Variants in IGSF9 observed in about 807,000 individuals in gnomAD.
The protein encoded by IGSF9 is immunoglobulin superfamily member 9.
In IGSF9, 87 loss-of-function variants were observed where a neutral mutation model predicts 121.7. The ratio of observed to expected loss-of-function variants is 0.71; its 90% CI spans 0.60 to 0.85. The LOEUF is 0.85. Among genes scored for constraint, IGSF9 ranks in the 40% least tolerant of loss-of-function variants. The probability of loss-of-function intolerance (pLI) is 0.00; values close to 1 mark genes in which losing one functional copy is unlikely to be tolerated. For missense variants in IGSF9, 1,462 were observed against 1,565.3 expected (o/e 0.93, Z 1.11); for synonymous variants, 640 against 648.4 (o/e 0.99, Z 0.20).
Position 159,931,905 on chromosome 1 carries a change from C to A in IGSF9, c.1269G>T (p.Arg423=). 6.3e-7 allele frequency: 1 copy of A among 1,596,602 alleles called. No homozygotes were observed. Among genetic ancestry groups the A allele is most frequent in the African/African-American group, 1.4e-5 (1 of 73,736 alleles). Residue 423 remains arginine, a synonymous_variant, in exon 11 of 21, where the codon CGG becomes CGT. Transcript: ENST00000368094. This position sits in a 1 kb window ranked among gnomAD's most constrained non-coding sequence, Gnocchi z 4.8. ...CTTCTTGGAAATATTCTTCCTTGGG[C>A]CGCTCTATAAAAGCTGGGGGAGCCT... is the stretch of plus-strand genomic sequence containing the variant. ...LLKAPPAFIE[R]PKEEYFQEVG...
At position 159,928,286 on chromosome 1, in the gene IGSF9, C is replaced by T; in HGVS notation, c.3102G>A (p.Leu1034=). Residue 1034 remains leucine (L), a synonymous_variant, in exon 19 of 21, where the codon CTG becomes CTA. Coordinates refer to ENST00000368094, the MANE Select transcript of IGSF9 (RefSeq NM_001135050.2). ...CAGAGGGGGCTGTGGAGGGGGGCCG[C>T]AGGAACGAAGCGCTGCCTCGCCCAC... The part of the protein sequence containing the change: ...QSSGRGSASF[L]RPPSTAPSAG... The T allele has an allele frequency of 6.2e-7, 1 of 1,612,526 alleles. No homozygotes were observed.
Position 159,928,406 on chromosome 1 carries a change from G to C in IGSF9, c.2982C>G (p.Pro994=), listed in dbSNP as rs753918432. 6.9e-6 allele frequency: 11 copies of C among 1,603,284 alleles called. No individual in the cohort carries two copies. Among genetic ancestry groups the C allele is most frequent in the Admixed American group, 5.1e-5 (3 of 59,196 alleles). Residue 994 remains proline, a synonymous_variant, in exon 19 of 21, where the codon CCC becomes CCG. Transcript: ENST00000368094. ...TCCAGTCAGCCAGGGCTGTGTAAGG[G>C]GGCTCTGCAGTGGCCCCAGCCCCTA... ...AVVGAGATAE[P]PYTALADWTL... is the part of the protein sequence containing the mutation.
At position 159,932,416 on chromosome 1, in the gene IGSF9, GTC is replaced by G; in HGVS notation, c.1245+94_1245+95del. 16 of 1,081,854 alleles carry G rather than the reference GTC, an allele frequency of 1.5e-5. No individual in the cohort carries two copies. The highest frequency in any genetic ancestry group is 2.7e-5 in the East Asian group (1 of 37,100). The allele number at this position is 1,081,854 out of a possible 1,614,324, so 67.0% of individuals were successfully genotyped here. A position where few individuals can be genotyped will look rare whatever the true frequency, so the allele number is the denominator to read the frequency against. On this transcript the variant is annotated intron_variant, in intron 10 of 20. Coordinates refer to ENST00000368094, the MANE Select transcript of IGSF9 (RefSeq NM_001135050.2). The surrounding 1 kb of genome is among the most constrained non-coding windows in gnomAD (Gnocchi z 4.1). ...CAAACTTGGAAACCCCTCCCCATGT[GTC>G]TGCCCCACCCCACCCCCATCAGCCT... is the stretch of plus-strand genomic sequence containing the variant.
chr1:159,943,502 G>C lies in IGSF9; in HGVS notation c.-48C>G. 6.7e-7 allele frequency: 1 copy of C among 1,489,014 alleles called. No individual in the cohort carries two copies. The highest frequency in any genetic ancestry group is 9.0e-7 in the Non-Finnish European group (1 of 1,115,216). The allele number at this position is 1,489,014 out of a possible 1,614,324, so 92.2% of individuals were successfully genotyped here. A position where few individuals can be genotyped will look rare whatever the true frequency, so the allele number is the denominator to read the frequency against. On this transcript the variant is annotated 5_prime_UTR_variant, in exon 2 of 21. It adds an upstream start codon to the 5' untranslated region. Coordinates refer to ENST00000368094, the MANE Select transcript of IGSF9 (RefSeq NM_001135050.2). ...AGCCCCTCCTATCCACAGGAGCCCAGATGGAGGGGCCAAGGGATGTCCTTC... is the reference window on the plus strand; with the variant it reads ...AGCCCCTCCTATCCACAGGAGCCCACATGGAGGGGCCAAGGGATGTCCTTC...
chr1:159,932,342 A>C lies in IGSF9; in HGVS notation c.1245+170T>G, dbSNP rs1424148315. On this transcript the variant is annotated intron_variant, in intron 10 of 20. Transcript: ENST00000368094. The surrounding 1 kb of genome is among the most constrained non-coding windows in gnomAD (Gnocchi z 4.1). ...ACCTCCCGAGCACCACCTCTGCAGA[A>C]ACCTCTGGGATGGCATCAGGCAGCT... 3.0e-6 allele frequency: 2 copies of C among 670,646 alleles called. No individual in the cohort carries two copies. The highest frequency in any genetic ancestry group is 3.6e-5 in the African/African-American group (2 of 55,528). The allele number at this position is 670,646 out of a possible 1,614,324, so 41.5% of individuals were successfully genotyped here.
chr1:159,936,014 G>A (rs1203731488), intron 6 of IGSF9, among the ~76,000 whole-genome samples: 1 of 152,200 alleles, frequency 6.6e-6, no homozygotes, highest in Non-Finnish European at 1.5e-5. Context: ...TCTTGGCCAG[G>A]AATTACCATG....
rs1198992484 is a variant in IGSF9, at chr1:159,927,479, TA to T, written c.3405del (p.Thr1136LeufsTer48). 4 of 1,613,992 alleles carry T rather than the reference TA, an allele frequency of 2.5e-6. No individual in the cohort carries two copies. The highest frequency in any genetic ancestry group is 3.4e-6 in the Non-Finnish European group (4 of 1,180,036). ...EEGCLLNTAHVTGPEARCAAL... is the reference protein window; with the variant it reads ...EEGCLLNTAHXTGPEARCAAL... ...GCAGCACAGCGGGCCTCAGGGCCAGTAACATGGGCAGTGTTCAGGAGGCAGC... is the reference window on the plus strand; with the variant it reads ...GCAGCACAGCGGGCCTCAGGGCCAGTACATGGGCAGTGTTCAGGAGGCAGC... On this transcript the variant is annotated frameshift_variant, in exon 21 of 21. Coordinates refer to ENST00000368094, the MANE Select transcript of IGSF9 (RefSeq NM_001135050.2). LOFTEE classifies it high-confidence loss of function.
chr1:159,927,857 C>T lies in IGSF9; in HGVS notation c.3261G>A (p.Glu1087=), dbSNP rs987533301. 6 of 1,612,174 alleles carry T rather than the reference C, an allele frequency of 3.7e-6. No homozygotes were observed. The highest frequency in any genetic ancestry group is 4.2e-6 in the Non-Finnish European group (5 of 1,179,588). The change falls in exon 20 of 21, where the codon GAG becomes GAA. Residue 1087 remains glutamate, a synonymous_variant. Transcript: ENST00000368094. The stretch of plus-strand genomic sequence containing the variant: ...TGTCCCCAGGGAATTCTGAGTCCCA[C>T]TCATAGTTCTCGTCCACAGATGTGT... ...RRNTSVDENY[E]WDSEFPGDME... is the part of the protein sequence containing the mutation.
chr1:159,934,509 G>A lies in IGSF9; in HGVS notation c.877C>T (p.Pro293Ser), dbSNP rs1488009175. The A allele has an allele frequency of 6.2e-7, 1 of 1,613,282 alleles. No individual in the cohort carries two copies. The highest frequency in any genetic ancestry group is 8.5e-7 in the Non-Finnish European group (1 of 1,179,622). ...CAGGTGTAGCAGCCGGCATCATCAG[G>A]CTGGGTGGCCAGCAGCCGCAGGCTC... ...DGSLRLLATQ[P>S]DDAGCYTCVP... is the part of the protein sequence containing the mutation. Residue 293 changes from proline (P) to serine (S), a missense_variant, in exon 8 of 21, where the codon CCT becomes TCT. Around this residue, in one of 3 missense-constraint regions of IGSF9, gnomAD observed 558 missense variants for 599.4 expected, o/e 0.93. Coordinates refer to ENST00000368094, the MANE Select transcript of IGSF9 (RefSeq NM_001135050.2).
chr1:159,929,791 T>C lies in IGSF9; in HGVS notation c.2173A>G (p.Thr725Ala). 5.0e-6 allele frequency: 8 copies of C among 1,606,034 alleles called. No individual in the cohort carries two copies. The South Asian group carries it at 8.9e-5, about 18-fold the overall frequency. The change falls in exon 17 of 21, where the codon ACG (threonine) becomes GCG (alanine). Residue 725 changes from threonine (T) to alanine (A), a missense_variant. Transcript: ENST00000368094. ...TSGLEVYPSRTQLPGLLPQPV... is the reference protein window; with the variant it reads ...TSGLEVYPSRAQLPGLLPQPV... ...TGAGGCAGGAGGCCCGGCAGCTGCG[T>C]GCGCGAAGGGTAGACCTCCAGACCT...
At position 159,927,433 on chromosome 1, in the gene IGSF9, G is replaced by A; in HGVS notation, c.3452C>T (p.Ala1151Val). 1 of 1,614,142 alleles carries A rather than the reference G, an allele frequency of 6.2e-7. No individual in the cohort carries two copies. Among genetic ancestry groups the A allele is most frequent in the Non-Finnish European group, 8.5e-7 (1 of 1,180,034 alleles). Residue 1151 changes from alanine to valine, a missense_variant, in exon 21 of 21, where the codon GCC (alanine) becomes GTC (valine). By Grantham distance (64) the Ala-to-Val change is moderately conservative. Transcript: ENST00000368094. Reference protein sequence around the residue: ...RCAALREEFLAFRRRRDATRA... With the variant: ...RCAALREEFLVFRRRRDATRA... Reference sequence around the variant, plus strand: ...AGTAGCATCTCGGCGGCGGCGGAAGGCCAGGAATTCCTCCCGAAGGGCAGC... The same window carrying A: ...AGTAGCATCTCGGCGGCGGCGGAAGACCAGGAATTCCTCCCGAAGGGCAGC...
chr1:159,928,628 A>G lies in IGSF9; in HGVS notation c.2760T>C (p.Pro920=), dbSNP rs1268035586. The G allele has an allele frequency of 3.4e-6, 5 of 1,488,312 alleles. No individual in the cohort carries two copies. The African/African-American group carries it at 7.0e-5, about 21-fold the overall frequency. The allele number at this position is 1,488,312 out of a possible 1,614,324, so 92.2% of individuals were successfully genotyped here. A position where few individuals can be genotyped will look rare whatever the true frequency, so the allele number is the denominator to read the frequency against. Residue 920 remains proline, a synonymous_variant, in exon 19 of 21, where the codon CCT becomes CCC. Transcript: ENST00000368094. Reference sequence around the variant, plus strand: ...GGCTCAGGTACTGGAGCAGGGGTCCAGGACCTGGCAAGGGACTGGGTGGGG... The same window carrying G: ...GGCTCAGGTACTGGAGCAGGGGTCCGGGACCTGGCAAGGGACTGGGTGGGG... ...PAAPPSPLPG[P]GPLLQYLSLP...
At chr1:159,942,855 T>C in intron 3 of IGSF9, 108 bp downstream of exon 3, 1 of 829,450 alleles carries the variant, frequency 1.2e-6, no homozygotes, top group African/African-American at 1.7e-5. Flanking sequence ...GAGCTGGAGA[T>C]GAGATCAGAG....
intron 18 of IGSF9, 136 bp from the exon 19 acceptor site, chr1:159,929,154 G>A (rs1015453672): frequency 1.5e-5 from 20 of 1,328,508 alleles, no homozygotes; most frequent in Middle Eastern, 3.7e-4. Flanking sequence ...CAACAAGGTG[G>A]AGGGGTGGAG....
Position 159,933,953 on chromosome 1 carries a change from G to A in IGSF9, c.1104+237C>T, listed in dbSNP as rs565431957. ...ACTCTTTGCCATCATTTTCCCCAGAGATCATCTCTCTTCTTTCCCCAAAGA... is the reference window on the plus strand; with the variant it reads ...ACTCTTTGCCATCATTTTCCCCAGAAATCATCTCTCTTCTTTCCCCAAAGA... On this transcript the variant is annotated intron_variant, in intron 9 of 20. Coordinates refer to ENST00000368094, the MANE Select transcript of IGSF9 (RefSeq NM_001135050.2). 72 of 560,190 alleles carry A rather than the reference G, an allele frequency of 1.3e-4. No individual in the cohort carries two copies. In the East Asian group the frequency reaches 2.2e-3, roughly 17 times the overall value. 34.7% of individuals were successfully genotyped at this position (560,190 alleles called of 1,614,324 possible). A position where few individuals can be genotyped will look rare whatever the true frequency, so the allele number is the denominator to read the frequency against.
At position 159,943,078 on chromosome 1, in the gene IGSF9, C is replaced by A. The variant is rs1224554085; in HGVS notation, c.132G>T (p.Leu44=). 1.2e-6 allele frequency: 2 copies of A among 1,612,726 alleles called. No homozygotes were observed. The highest frequency in any genetic ancestry group is 1.7e-6 in the Non-Finnish European group (2 of 1,179,446). Residue 44 remains leucine (L), a synonymous_variant, in exon 3 of 21, where the codon CTG becomes CTT. Coordinates refer to ENST00000368094, the MANE Select transcript of IGSF9 (RefSeq NM_001135050.2). ...GESVVLGCDL[L]PPAGRPPLHV... ...GCAGGGGGGGCCGGCCGGCCGGGGGCAGCAGGTCACAGCCCAGCACCACAC... is the reference window on the plus strand; with the variant it reads ...GCAGGGGGGGCCGGCCGGCCGGGGGAAGCAGGTCACAGCCCAGCACCACAC...
At chr1:159,930,012 G>A (rs1162730983) in intron 15 of IGSF9, 37 bp from the exon 16 acceptor site, 2 of 1,583,572 alleles carry the variant, frequency 1.3e-6, no homozygotes, top group Non-Finnish European at 8.6e-7. Flanking sequence ...GGAGGTCAGG[G>A]CCCAGCACCG....
intron 9 of IGSF9, chr1:159,933,429 C>T (rs1490312120): frequency 6.6e-6 from 1 of 152,286 alleles, no homozygotes; most frequent in East Asian, 1.9e-4. Context: ...TACTAGGCCT[C>T]AAAAATTTAT....
At chr1:159,945,296 C>T (rs1474533681) in intron 1 of IGSF9, among the ~76,000 whole-genome samples, 4 of 151,728 alleles carry the variant, frequency 2.6e-5, no homozygotes, top group African/African-American at 4.8e-5. Context: ...CCACCCCCAA[C>T]AATTCCTTTC....
Sources: gnomAD v4.1 joint callset for allele counts (sites outside exome capture counted in the v4.1 genomes callset) on GRCh38, gnomAD v4.1.1 for gene constraint, gnomAD v4.1.1 regional missense constraint, Gnocchi (gnomAD v3.1) non-coding constraint, MANE v1.5 for transcripts, NCBI Gene and HGNC (gene_info 2026-07-23, HGNC 2026-07-21) for gene names.